PDE1C: variants seen among roughly 807,000 people sequenced by gnomAD.
PDE1C encodes dual specificity calcium/calmodulin-dependent 3',5'-cyclic nucleotide phosphodiesterase 1C.
Under a neutral mutation model 93.1 loss-of-function variants are expected in PDE1C, and 62 were observed. The ratio of observed to expected loss-of-function variants is 0.67; its 90% confidence interval spans 0.54 to 0.82. The LOEUF is 0.82. Ranked by LOEUF, PDE1C falls within the 40% of genes least tolerant of loss-of-function variation. PDE1C has a pLI of 0.00. For missense variants in PDE1C, 742 were observed against 884.6 expected (o/e 0.84, Z 2.04); for synonymous variants, 325 against 310.1 (o/e 1.05, Z -0.50).
intron 1 of PDE1C, among the ~76,000 whole-genome samples, chr7:32,232,537 A>G (rs1160971442): frequency 1.3e-5 from 2 of 152,206 alleles, no homozygotes; most frequent in African/African-American, 4.8e-5. Flanking sequence ...TGAGTGGCAG[A>G]GACACTTAAA....
rs753456135 is a variant in PDE1C, at chr7:32,065,060, G to C, written c.101+5233C>G. On this transcript the variant is annotated intron_variant, in intron 1 of 17. Coordinates refer to ENST00000396191, the MANE Select transcript of PDE1C (RefSeq NM_001191057.4). ...TCTGACGGAACGGCGGTGGGGGGGG[G>C]GGGGAGGAGCCGGGGGCCAGTGAGG... Among the ~76,000 whole-genome samples, 53 of 147,442 alleles carry C rather than the reference G, an allele frequency of 3.6e-4. No homozygotes were observed. In the South Asian group the frequency reaches 8.4e-3, roughly 23 times the overall value.
At chr7:31,633,500 G>T in the PDE1C span, among the ~76,000 whole-genome samples, 1 of 152,284 alleles carries the variant, frequency 6.6e-6, no homozygotes, top group East Asian at 1.9e-4. Context: ...GGTTTTGTTT[G>T]TTCTACAAAA....
upstream of PDE1C, among the ~76,000 whole-genome samples, chr7:32,300,733 G>A (rs59238577): frequency 0.17 from 25,519 of 152,104 alleles, 2,454 homozygotes; most frequent in East Asian, 0.39. Flanking sequence ...CAAAAATAAC[G>A]TATTTTAGTT....
chr7:31,617,006 ATTC>A, the PDE1C span, among the ~76,000 whole-genome samples: 4 of 152,128 alleles, frequency 2.6e-5, no homozygotes, highest in African/African-American at 4.8e-5. Context: ...TTCCAAGTGC[ATTC>A]TTCTTTTCTT....
chr7:32,044,935 G>C (rs868010793), intron 2 of PDE1C, among the ~76,000 whole-genome samples: 1 of 151,932 alleles, frequency 6.6e-6, no homozygotes, highest in Non-Finnish European at 1.5e-5. Flanking sequence ...CTACCCAGAC[G>C]AAGTGCCTGA....
chr7:31,698,362 C>A, the PDE1C span, among the ~76,000 whole-genome samples: 9 of 152,290 alleles, frequency 5.9e-5, no homozygotes, highest in East Asian at 1.5e-3. Context: ...TCTTCTCTTC[C>A]CACTTCCAAT....
At chr7:32,409,041 T>G (rs560751543) in intron 1 of PDE1C, among the ~76,000 whole-genome samples, 7 of 152,182 alleles carry the variant, frequency 4.6e-5, no homozygotes, top group African/African-American at 1.4e-4. Flanking sequence ...AGCAGGTAAT[T>G]TCAATGGTAT....
At chr7:31,977,281 T>A (rs1281934827) in intron 2 of PDE1C, among the ~76,000 whole-genome samples, 2 of 152,130 alleles carry the variant, frequency 1.3e-5, no homozygotes, top group Admixed American at 6.6e-5. Context: ...CAGCATTTGA[T>A]GCCCTCCAAC....
the PDE1C span, among the ~76,000 whole-genome samples, chr7:31,693,465 G>A: frequency 1.5e-4 from 23 of 152,318 alleles, no homozygotes; most frequent in African/African-American, 4.1e-4. Flanking sequence ...CCAAGAGGCT[G>A]GGTTTAATCC....
Position 32,321,841 on chromosome 7 carries a change from C to T in PDE1C, c.310+105981G>A, listed in dbSNP as rs141857214. 3.1e-3 allele frequency among the ~76,000 whole-genome samples: 469 copies of T among 152,286 alleles called. 3 individuals carry two copies. The highest frequency in any genetic ancestry group is 0.01 in the African/African-American group (427 of 41,556). On this transcript the variant is annotated intron_variant, in intron 1 of 1. Coordinates refer to the PDE1C transcript ENST00000672256. ...ACCCTAGAAGTTCCCATTTCAAACC[C>T]GATCAGTTGTTCAAATCTCCTTAAT...
At chr7:31,697,011 A>T in the PDE1C span, 1 of 1,614,166 alleles carries the variant, frequency 6.2e-7, no homozygotes. Context: ...TTCAAGAGAG[A>T]CATCCAAAGG....
At chr7:31,743,826 A>C in the PDE1C span, among the ~76,000 whole-genome samples, 3 of 152,208 alleles carry the variant, frequency 2.0e-5, no homozygotes, top group African/African-American at 4.8e-5. Flanking sequence ...ATTGGAGCCC[A>C]GGCAAATTCA....
At chr7:31,720,586 G>C in the PDE1C span, among the ~76,000 whole-genome samples, 1 of 152,184 alleles carries the variant, frequency 6.6e-6, no homozygotes, top group Admixed American at 6.5e-5. Flanking sequence ...CTGAGCAGCA[G>C]CCAAATCTGC....
At chr7:32,343,619 G>A (rs186336258) in intron 1 of PDE1C, among the ~76,000 whole-genome samples, 1 of 152,270 alleles carries the variant, frequency 6.6e-6, no homozygotes, top group African/African-American at 2.4e-5. Flanking sequence ...CATCTTATTT[G>A]TATATAGAAA....
the PDE1C span, among the ~76,000 whole-genome samples, chr7:31,689,729 C>G: frequency 6.6e-6 from 1 of 152,150 alleles, no homozygotes. Flanking sequence ...TTCCCCTCCA[C>G]TTGCTTGTTC....
chr7:31,927,084 C>A (rs184555809), intron 2 of PDE1C, among the ~76,000 whole-genome samples: 1 of 152,290 alleles, frequency 6.6e-6, no homozygotes, highest in Non-Finnish European at 1.5e-5. Context: ...ACTGCCAGCA[C>A]AGCAATCTGA....
intron 2 of PDE1C, among the ~76,000 whole-genome samples, chr7:31,994,237 T>G (rs1276990743): frequency 6.6e-6 from 1 of 152,156 alleles, no homozygotes; most frequent in East Asian, 1.9e-4. Flanking sequence ...CCAAATTTCC[T>G]TATGTCTTAG....
At chr7:32,178,932 C>A (rs1803190552) in intron 2 of PDE1C, among the ~76,000 whole-genome samples, 1 of 152,184 alleles carries the variant, frequency 6.6e-6, no homozygotes, top group African/African-American at 2.4e-5. Context: ...TTGCTGTGTG[C>A]TGGGCTCCAC....
rs566117984 is a variant in PDE1C, at chr7:32,110,352, T to C, written c.308+59433A>G. Among the ~76,000 whole-genome samples, 3 of 152,242 alleles carry C rather than the reference T, an allele frequency of 2.0e-5. 1 individual carries two copies. In the South Asian group the frequency reaches 6.2e-4, roughly 32 times the overall value. The stretch of plus-strand genomic sequence containing the variant: ...CCTCCGTTTTTAAAACCATCAGATC[T>C]CATGAGACTCATTCACTATCATGAG... On this transcript the variant is annotated intron_variant, in intron 3 of 18. Transcript: ENST00000396193.
Sources: allele counts gnomAD v4.1 joint callset (sites outside exome capture counted in the v4.1 genomes callset), GRCh38; gene constraint gnomAD v4.1.1; transcripts MANE v1.5; gene names NCBI Gene and HGNC (gene_info 2026-07-23, HGNC 2026-07-21).